LPP: variants seen among roughly 807,000 people sequenced by gnomAD.
The protein encoded by LPP is LIM domain containing preferred translocation partner in lipoma, also known as lipoma-preferred partner.
LPP carries 38 observed loss-of-function variants against 60.4 expected under a neutral mutation model. That is an observed-to-expected ratio of 0.63 (90% CI 0.49 to 0.83). The LOEUF (loss-of-function observed/expected upper bound fraction) is 0.83, where lower values mean the gene tolerates loss of function less well. LPP is among the 40% of genes least tolerant of loss of function. The pLI is 0.00. For synonymous variants in LPP, 328 were observed against 290.8 expected, an observed-to-expected ratio of 1.13 and a Z score of -1.30; for missense variants, 902 against 783.6, an observed-to-expected ratio of 1.15 and a Z score of -1.80.
At chr3:188,277,659 G>C (rs985140123) in intron 2 of LPP, among the ~76,000 whole-genome samples, 7 of 152,298 alleles carry the variant, frequency 4.6e-5, no homozygotes, top group African/African-American at 1.7e-4. Context: ...CTGTGTTAAA[G>C]TGTGTTTATG....
At chr3:188,250,170 A>G (rs1728634778) in intron 2 of LPP, among the ~76,000 whole-genome samples, 1 of 152,108 alleles carries the variant, frequency 6.6e-6, no homozygotes, top group Non-Finnish European at 1.5e-5. Context: ...CAGGTAGTGC[A>G]TTTAGTTGTC....
chr3:188,671,300 G>A (rs189298263), intron 7 of LPP, among the ~76,000 whole-genome samples: 47 of 152,158 alleles, frequency 3.1e-4, no homozygotes, highest in African/African-American at 1.1e-3. Context: ...AATTATTTTG[G>A]CATATTATCC....
intron 4 of LPP, among the ~76,000 whole-genome samples, chr3:188,478,446 G>A (rs377520992): frequency 1.3e-3 from 194 of 151,864 alleles, no homozygotes; most frequent in African/African-American, 4.2e-3. Context: ...ATACATGTAC[G>A]TGTACATATC....
At chr3:188,664,708 A>G (rs1157415819) in intron 7 of LPP, among the ~76,000 whole-genome samples, 1 of 152,162 alleles carries the variant, frequency 6.6e-6, no homozygotes, top group Admixed American at 6.5e-5. Flanking sequence ...AAATATTTAA[A>G]TAACGTTGAG....
intron 1 of LPP, among the ~76,000 whole-genome samples, chr3:188,203,314 T>C (rs1336209165): frequency 8.7e-6 from 1 of 114,358 alleles, no homozygotes; most frequent in Admixed American, 1.1e-4. Flanking sequence ...TAAAAATATT[T>C]AAAAATGTAT....
chr3:188,672,960 GT>G lies in LPP; in HGVS notation c.1114-35295del, dbSNP rs948999058. On this transcript the variant is annotated intron_variant, in intron 7 of 11. Coordinates refer to ENST00000617246, the MANE Select transcript of LPP (RefSeq NM_001375462.1). ...AAGGAAAAAATTGTTTTCTTTTATT[GT>G]TTTTTTTTTTTCTGTTTCCATTCAG... Among the ~76,000 whole-genome samples the G allele has an allele frequency of 3.6e-4, 51 of 142,626 alleles. 1 individual carries two copies. Among genetic ancestry groups the G allele is most frequent in the East Asian group, 1.2e-3 (6 of 4,874 alleles). The allele number at this position is 142,626 out of a possible 152,430, so 93.6% of individuals were successfully genotyped here. A position where few individuals can be genotyped will look rare whatever the true frequency, so the allele number is the denominator to read the frequency against.
rs747145980 is a variant in LPP, at chr3:188,609,482, T to C, written c.751T>C (p.Tyr251His). 92 of 1,614,080 alleles carry C rather than the reference T, an allele frequency of 5.7e-5. No homozygotes were observed. Among genetic ancestry groups the C allele is most frequent in the Non-Finnish European group, 7.3e-5 (86 of 1,180,034 alleles). The change falls in exon 7 of 12, where the codon TAT becomes CAT. Residue 251 changes from tyrosine (Y) to histidine (H), a missense_variant. Physicochemically the swap from Tyr to His is moderately conservative, Grantham distance 83 (BLOSUM62 2). Coordinates refer to ENST00000617246, the MANE Select transcript of LPP (RefSeq NM_001375462.1). This position sits in a 1 kb window ranked among gnomAD's most constrained non-coding sequence, Gnocchi z 6.9. ...AATTTATGGCTCAGGGCCCCAGGGC[T>C]ATAACACTCAGCCAGTTCCTGTCTC... Reference protein sequence around the residue: ...GQIYGSGPQGYNTQPVPVSGQ... With the variant: ...GQIYGSGPQGHNTQPVPVSGQ...
intron 8 of LPP, among the ~76,000 whole-genome samples, chr3:188,744,308 C>A (rs1356530479): frequency 6.6e-6 from 1 of 152,090 alleles, no homozygotes; most frequent in South Asian, 2.1e-4. Flanking sequence ...CAAAATTGCC[C>A]AAAATGGGAA....
chr3:188,771,336 G>T (rs949976037), intron 9 of LPP, among the ~76,000 whole-genome samples: 1 of 152,014 alleles, frequency 6.6e-6, no homozygotes. Flanking sequence ...ATCACTTGAG[G>T]TCAGGAGTTC....
intron 11 of LPP, 76 bp downstream of exon 11, chr3:188,872,839 T>A: frequency 6.3e-7 from 1 of 1,581,952 alleles, no homozygotes; most frequent in South Asian, 1.1e-5. Flanking sequence ...TACATAGATG[T>A]AGCAATTACT....
At chr3:188,769,474 AC>A (rs1280722374) in intron 9 of LPP, among the ~76,000 whole-genome samples, 1 of 152,230 alleles carries the variant, frequency 6.6e-6, no homozygotes, top group Non-Finnish European at 1.5e-5. Flanking sequence ...ATTGCCCAGA[AC>A]AACAAAGAGG....
In LPP at chr3:188,886,358, T is replaced by A. The variant is rs866647867; in HGVS notation, c.*11879T>A. ...AAAGTGCCTCACCTCCCTGTGAGGCTTGATGAATATTGTGGCCAGTGAGTG... is the reference window on the plus strand; with the variant it reads ...AAAGTGCCTCACCTCCCTGTGAGGCATGATGAATATTGTGGCCAGTGAGTG... On this transcript the variant is annotated 3_prime_UTR_variant, in exon 12 of 12. Coordinates refer to ENST00000617246, the MANE Select transcript of LPP (RefSeq NM_001375462.1). 5.6e-6 allele frequency: 1 copy of A among 178,418 alleles called. No homozygotes were observed. The highest frequency in any genetic ancestry group is 2.4e-5 in the African/African-American group (1 of 41,268). 11.1% of individuals were successfully genotyped at this position (178,418 alleles called of 1,614,324 possible). A position where few individuals can be genotyped will look rare whatever the true frequency, so the allele number is the denominator to read the frequency against.
intron 6 of LPP, among the ~76,000 whole-genome samples, chr3:188,598,201 C>T (rs1297060943): frequency 6.6e-6 from 1 of 152,104 alleles, no homozygotes; most frequent in Non-Finnish European, 1.5e-5. Context: ...AGAAGATAAA[C>T]AGTAGTTCTA....
At chr3:188,417,944 C>G (rs1279400168) in intron 4 of LPP, among the ~76,000 whole-genome samples, 1 of 152,092 alleles carries the variant, frequency 6.6e-6, no homozygotes, top group Non-Finnish European at 1.5e-5. Flanking sequence ...CTTGTTCACA[C>G]GTTGGGGTAA....
intron 3 of LPP, among the ~76,000 whole-genome samples, chr3:188,393,140 G>A (rs917364025): frequency 6.6e-6 from 1 of 151,100 alleles, no homozygotes; most frequent in African/African-American, 2.4e-5. Flanking sequence ...GTGGGGTCAG[G>A]TGTTAAAGAT....
chr3:188,607,290 T>C (rs930192173), intron 6 of LPP, among the ~76,000 whole-genome samples: 129 of 150,550 alleles, frequency 8.6e-4, no homozygotes, highest in African/African-American at 2.9e-3. Flanking sequence ...TTTTCTCAAC[T>C]TTATTATGAA....
chr3:188,388,165 T>C (rs1276520089), intron 3 of LPP, among the ~76,000 whole-genome samples: 3 of 152,132 alleles, frequency 2.0e-5, no homozygotes, highest in Non-Finnish European at 4.4e-5. Flanking sequence ...GTGAGAATTG[T>C]GCAATTGTGC....
At chr3:188,563,372 C>G (rs1831201813) in intron 6 of LPP, among the ~76,000 whole-genome samples, 1 of 151,816 alleles carries the variant, frequency 6.6e-6, no homozygotes, top group Non-Finnish European at 1.5e-5. Context: ...AACCCCAACT[C>G]TTTTTCCAAA....
chr3:188,552,789 A>T lies in LPP; in HGVS notation c.429+28002A>T, dbSNP rs927368945. ...TAGATGAGGCTCACCTGGATAATTC[A>T]GGCTAATCTCCCTGTCTCAAAATCT... On this transcript the variant is annotated intron_variant, in intron 6 of 11. Coordinates refer to ENST00000617246, the MANE Select transcript of LPP (RefSeq NM_001375462.1). Among the ~76,000 whole-genome samples, 8 of 152,320 alleles carry T rather than the reference A, an allele frequency of 5.3e-5. No individual in the cohort carries two copies. In the East Asian group the frequency reaches 1.5e-3, roughly 29 times the overall value.
Sources: gnomAD v4.1 joint callset for allele counts (sites outside exome capture counted in the v4.1 genomes callset) on GRCh38, gnomAD v4.1.1 for gene constraint, Gnocchi (gnomAD v3.1) non-coding constraint, MANE v1.5 for transcripts, NCBI Gene and HGNC (gene_info 2026-07-23, HGNC 2026-07-21) for gene names.